The following LIX1 variants were observed in gnomAD, a reference collection of about 807,000 sequenced individuals.
The protein encoded by LIX1 is protein limb expression 1 homolog.
A neutral mutation model predicts 33.4 loss-of-function variants in LIX1; 24 were observed. That is an observed-to-expected ratio of 0.72 (90% CI 0.52 to 1.01). LIX1 has a LOEUF of 1.01. Among genes scored for constraint, LIX1 ranks in the 50% least tolerant of loss-of-function variants. The pLI is 0.00. For synonymous variants in LIX1, 124 were observed against 124.0 expected (o/e 1.00, Z 0.00); for missense variants, 311 against 339.2 (o/e 0.92, Z 0.65).
intron 2 of LIX1, among the ~76,000 whole-genome samples, chr5:97,123,777 C>A (rs113024359): frequency 6.6e-6 from 1 of 152,178 alleles, no homozygotes; most frequent in Non-Finnish European, 1.5e-5. Context: ...CACACATTAA[C>A]CCTTATGCTT....
chr5:97,092,627 G>A lies in LIX1; in HGVS notation c.*2121C>T, dbSNP rs1013595582. On this transcript the variant is annotated 3_prime_UTR_variant, in exon 6 of 6. Coordinates refer to ENST00000274382, the MANE Select transcript of LIX1 (RefSeq NM_153234.5). ...GTCAAGAAAAGCTGACAGTGGCCAA[G>A]GGAGAACCTCTATATTCAATTTACA... The A allele has an allele frequency of 1.3e-5, 2 of 152,018 alleles. No homozygotes were observed. Among genetic ancestry groups the A allele is most frequent in the African/African-American group, 4.8e-5 (2 of 41,430 alleles). The allele number at this position is 152,018 out of a possible 1,614,324, so 9.4% of individuals were successfully genotyped here.
chr5:97,110,544 A>T (rs1747330346), intron 2 of LIX1, among the ~76,000 whole-genome samples: 1 of 152,098 alleles, frequency 6.6e-6, no homozygotes, highest in Non-Finnish European at 1.5e-5. Context: ...TCCTGGGTTC[A>T]AGCAAGTCTC....
At chr5:97,102,052 T>C (rs1472777882) in intron 4 of LIX1, 1 of 151,582 alleles carries the variant, frequency 6.6e-6, no homozygotes, top group East Asian at 1.9e-4. Context: ...CTCCGAACCT[T>C]CCCCACCAAC....
At chr5:97,113,827 A>G (rs1747541552) in intron 2 of LIX1, among the ~76,000 whole-genome samples, 2 of 152,184 alleles carry the variant, frequency 1.3e-5, no homozygotes. Context: ...GGTCATTTTG[A>G]TATAAGACTA....
intron 2 of LIX1, among the ~76,000 whole-genome samples, chr5:97,123,752 C>G (rs1747842310): frequency 6.6e-6 from 1 of 152,136 alleles, no homozygotes; most frequent in Admixed American, 6.5e-5. Flanking sequence ...CTGTCCTCTC[C>G]CAACCGTTCC....
chr5:97,111,509 T>C (rs1747395463), intron 2 of LIX1, among the ~76,000 whole-genome samples: 1 of 152,130 alleles, frequency 6.6e-6, no homozygotes, highest in Non-Finnish European at 1.5e-5. Flanking sequence ...CAGTTCCCCA[T>C]TAAAAAGCAA....
chr5:97,130,031 A>C (rs996368625), intron 1 of LIX1, among the ~76,000 whole-genome samples: 1 of 152,240 alleles, frequency 6.6e-6, no homozygotes, highest in Non-Finnish European at 1.5e-5. Flanking sequence ...TGAGCAGTCC[A>C]TGTGCACGTA....
At chr5:97,136,427 T>G (rs745654038) in intron 1 of LIX1, among the ~76,000 whole-genome samples, 1 of 152,204 alleles carries the variant, frequency 6.6e-6, no homozygotes, top group African/African-American at 2.4e-5. Flanking sequence ...ACCCCCTTCA[T>G]GCGAGGAAGA....
chr5:97,136,787 A>G (rs950028623), intron 1 of LIX1, among the ~76,000 whole-genome samples: 3 of 152,202 alleles, frequency 2.0e-5, no homozygotes, highest in African/African-American at 2.4e-5. Flanking sequence ...CATGGACACT[A>G]GAGAAAAAAA....
intron 5 of LIX1, 132 bp from the exon 6 acceptor site, chr5:97,095,167 A>C (rs1373315071): frequency 1.0e-5 from 9 of 875,548 alleles, no homozygotes; most frequent in African/African-American, 1.7e-5. Context: ...TCAAAAACTG[A>C]AACCAAAACC....
At chr5:97,118,728 T>G (rs1258189785) in intron 2 of LIX1, among the ~76,000 whole-genome samples, 5 of 152,232 alleles carry the variant, frequency 3.3e-5, no homozygotes, top group Admixed American at 3.3e-4. Flanking sequence ...ATTTTATTTA[T>G]TTTTTAGAAA....
rs1746223447 is a variant in LIX1, at chr5:97,094,261, C to T, written c.*487G>A. The T allele has an allele frequency of 6.4e-6, 1 of 156,084 alleles. No homozygotes were observed. Among genetic ancestry groups the T allele is most frequent in the South Asian group, 1.9e-4 (1 of 5,232 alleles). 9.7% of individuals were successfully genotyped at this position (156,084 alleles called of 1,614,324 possible). A position where few individuals can be genotyped will look rare whatever the true frequency, so the allele number is the denominator to read the frequency against. The stretch of plus-strand genomic sequence containing the variant: ...TAGTAGGACATAAACTATTGCTTAG[C>T]TTACAAAGCTTAGAAAGAGACTCTG... On this transcript the variant is annotated 3_prime_UTR_variant, in exon 6 of 6. Transcript: ENST00000274382.
intron 1 of LIX1, among the ~76,000 whole-genome samples, chr5:97,136,088 C>T (rs140149995): frequency 1.4e-3 from 211 of 152,260 alleles, no homozygotes; most frequent in African/African-American, 4.7e-3. Flanking sequence ...GAGCATGGTG[C>T]GTGCATGACT....
chr5:97,094,671 C>G lies in LIX1; in HGVS notation c.*77G>C. ...GGTAGTACTAGAGATGCTGGAGCCT[C>G]TGAGGACCTCTGCACTGAGATTCCT... is the stretch of plus-strand genomic sequence containing the variant. On this transcript the variant is annotated 3_prime_UTR_variant, in exon 6 of 6. Coordinates refer to ENST00000274382, the MANE Select transcript of LIX1 (RefSeq NM_153234.5). 7.2e-7 allele frequency: 1 copy of G among 1,395,102 alleles called. No homozygotes were observed. Among genetic ancestry groups the G allele is most frequent in the Non-Finnish European group, 9.9e-7 (1 of 1,007,642 alleles). The allele number at this position is 1,395,102 out of a possible 1,614,324, so 86.4% of individuals were successfully genotyped here.
At chr5:97,129,896 C>T (rs954023512) in intron 1 of LIX1, among the ~76,000 whole-genome samples, 12 of 152,200 alleles carry the variant, frequency 7.9e-5, no homozygotes, top group Non-Finnish European at 1.5e-4. Context: ...GCTTCATTTA[C>T]CTTTTTCCGT....
chr5:97,131,499 T>C (rs77346412), intron 1 of LIX1, among the ~76,000 whole-genome samples: 2,637 of 152,314 alleles, frequency 0.017, 70 homozygotes, highest in African/African-American at 0.061. Context: ...TGGCTAAATG[T>C]ATCCAGTCAG....
intron 1 of LIX1, among the ~76,000 whole-genome samples, chr5:97,132,993 G>GTA (rs1272261431): frequency 6.6e-6 from 1 of 152,194 alleles, no homozygotes; most frequent in South Asian, 2.1e-4. Context: ...TATCATTTGT[G>GTA]TATATATACA....
chr5:97,120,525 C>T (rs181744330), intron 2 of LIX1, among the ~76,000 whole-genome samples: 2 of 152,234 alleles, frequency 1.3e-5, no homozygotes, highest in African/African-American at 4.8e-5. Flanking sequence ...TAGGGAGTTC[C>T]ATCAGGGAGA....
chr5:97,118,026 C>T (rs574425155), intron 2 of LIX1, among the ~76,000 whole-genome samples: 1 of 152,168 alleles, frequency 6.6e-6, no homozygotes, highest in Non-Finnish European at 1.5e-5. Flanking sequence ...TACCAGAACC[C>T]AGTGTTTAAC....
Sources: gnomAD v4.1 joint callset for allele counts (sites outside exome capture counted in the v4.1 genomes callset) on GRCh38, gnomAD v4.1.1 for gene constraint, MANE v1.5 for transcripts, NCBI Gene and HGNC (gene_info 2026-07-23, HGNC 2026-07-21) for gene names.